The following HS2ST1 variants were observed in gnomAD, a reference collection of about 807,000 sequenced individuals.
HS2ST1 encodes heparan sulfate 2-O-sulfotransferase 1, also known as 2-O-sulfotransferase.
A neutral mutation model predicts 42.9 loss-of-function variants in HS2ST1; 18 were observed. That is an observed-to-expected ratio of 0.42 (90% CI 0.29 to 0.62). HS2ST1 has a LOEUF of 0.62. Among genes scored for constraint, HS2ST1 ranks in the 20% least tolerant of loss-of-function variants. The pLI is 0.21. For synonymous variants in HS2ST1, 146 were observed against 152.9 expected (o/e 0.95, Z 0.33); for missense variants, 334 against 433.8 (o/e 0.77, Z 2.04).
Position 86,914,997 on chromosome 1 carries a change from C to T in HS2ST1, c.-40C>T. On this transcript the variant is annotated 5_prime_UTR_variant, in exon 1 of 7. Transcript: ENST00000370550. ...CTCTCGCCTCCGGGGTCCCGCTCCC[C>T]GCCCCCCGCGGTATGTCTTGATCCC... The T allele has an allele frequency of 6.2e-7, 1 of 1,612,362 alleles. No homozygotes were observed. Among genetic ancestry groups the T allele is most frequent in the East Asian group, 2.2e-5 (1 of 44,802 alleles).
At chr1:87,096,087 G>A (rs1652060768) in intron 4 of HS2ST1, among the ~76,000 whole-genome samples, 1 of 150,800 alleles carries the variant, frequency 6.6e-6, no homozygotes, top group Non-Finnish European at 1.5e-5. Flanking sequence ...TCTTTTGGTT[G>A]AATTGAGGAA....
At chr1:87,017,160 G>A (rs114297347) in intron 1 of HS2ST1, among the ~76,000 whole-genome samples, 3,734 of 151,500 alleles carry the variant, frequency 0.025, 141 homozygotes, top group African/African-American at 0.085. Flanking sequence ...TTTTTGCGAC[G>A]GAATCTCACT....
rs541427196 is a variant in HS2ST1, at chr1:86,918,532, G to T, written c.124+3372G>T. On this transcript the variant is annotated intron_variant, in intron 1 of 6. Coordinates refer to ENST00000370550, the MANE Select transcript of HS2ST1 (RefSeq NM_012262.4). ...TTTTGAGTGTTTCTTTTCTTTCTTG[G>T]TATTATAAACAATTATAGGAAACAT... Among the ~76,000 whole-genome samples the T allele has an allele frequency of 7.4e-4, 112 of 151,582 alleles. 2 individuals carry two copies. In the Middle Eastern group the frequency reaches 0.027, roughly 37 times the overall value.
At chr1:87,047,892 A>T (rs1203612887) in intron 1 of HS2ST1, among the ~76,000 whole-genome samples, 1 of 152,062 alleles carries the variant, frequency 6.6e-6, no homozygotes, top group Non-Finnish European at 1.5e-5. Flanking sequence ...TAAATCCTTC[A>T]ATTTTCTTAT....
chr1:86,950,163 T>TA (rs1323210712), intron 1 of HS2ST1, among the ~76,000 whole-genome samples: 2 of 152,264 alleles, frequency 1.3e-5, no homozygotes, highest in Non-Finnish European at 2.9e-5. Flanking sequence ...AAACTGACGT[T>TA]ACGTATTCCT....
At chr1:87,004,967 T>G (rs1222738913) in intron 1 of HS2ST1, among the ~76,000 whole-genome samples, 1 of 152,246 alleles carries the variant, frequency 6.6e-6, no homozygotes, top group Non-Finnish European at 1.5e-5. Context: ...AATAATTAAT[T>G]GAACAAAAAG....
chr1:86,943,809 T>C (rs2102178285), intron 1 of HS2ST1, among the ~76,000 whole-genome samples: 1 of 152,218 alleles, frequency 6.6e-6, no homozygotes, highest in South Asian at 2.1e-4. Flanking sequence ...GTGGATTACC[T>C]GAGATCAGGA....
intron 1 of HS2ST1, among the ~76,000 whole-genome samples, chr1:87,039,275 C>G (rs1936282): frequency 0.74 from 111,966 of 152,166 alleles, 42,763 homozygotes; most frequent in East Asian, 0.97. Context: ...AAACCACCAG[C>G]CAATGCTACC....
At chr1:86,935,690 C>T (rs1660632539) in intron 1 of HS2ST1, among the ~76,000 whole-genome samples, 2 of 151,984 alleles carry the variant, frequency 1.3e-5, no homozygotes, top group East Asian at 3.9e-4. Context: ...TCTCAAACTC[C>T]TGGCCTCAAG....
At chr1:87,011,813 G>T (rs990606857) in intron 1 of HS2ST1, among the ~76,000 whole-genome samples, 2 of 152,158 alleles carry the variant, frequency 1.3e-5, no homozygotes, top group African/African-American at 4.8e-5. Flanking sequence ...ACAGATTTAG[G>T]TCTAAGATAT....
chr1:86,976,686 T>C (rs1648409516), intron 1 of HS2ST1, among the ~76,000 whole-genome samples: 1 of 53,546 alleles, frequency 1.9e-5, no homozygotes. Context: ...TGTAAATCCA[T>C]CTTTTCTTTA....
intron 1 of HS2ST1, among the ~76,000 whole-genome samples, chr1:87,057,806 A>C (rs1013752611): frequency 6.6e-6 from 1 of 151,534 alleles, no homozygotes. Context: ...AGCTGAGATC[A>C]TGCCACTGCA....
intron 1 of HS2ST1, among the ~76,000 whole-genome samples, chr1:87,013,219 G>A (rs72953494): frequency 0.034 from 5,245 of 152,256 alleles, 184 homozygotes; most frequent in African/African-American, 0.088. Context: ...CTCTATGAGG[G>A]CCCCACGACT....
rs1383823389 is a variant in HS2ST1, at chr1:87,104,759, A to G, written c.*63A>G. 3 of 986,702 alleles carry G rather than the reference A, an allele frequency of 3.0e-6. No individual in the cohort carries two copies. In the East Asian group the frequency reaches 7.4e-5, roughly 24 times the overall value. The allele number at this position is 986,702 out of a possible 1,614,324, so 61.1% of individuals were successfully genotyped here. ...TGACCCTGTCTTCACCTTTGTTCTC[A>G]GCTCCACAGTCTGGATTGCTGACAG... On this transcript the variant is annotated 3_prime_UTR_variant, in exon 7 of 7. Coordinates refer to ENST00000370550, the MANE Select transcript of HS2ST1 (RefSeq NM_012262.4).
chr1:86,936,961 C>T (rs1317302353), intron 1 of HS2ST1, among the ~76,000 whole-genome samples: 7 of 149,268 alleles, frequency 4.7e-5, no homozygotes, highest in East Asian at 2.0e-4. Flanking sequence ...AAAAATTAGC[C>T]GGGCATGGTG....
chr1:87,098,349 C>A (rs1448994478), intron 5 of HS2ST1: 5 of 984,176 alleles, frequency 5.1e-6, no homozygotes, highest in Non-Finnish European at 6.0e-6. Flanking sequence ...CTGATTTTGA[C>A]TTTAAGAGAA....
At chr1:86,974,683 T>A (rs1648341419) in intron 1 of HS2ST1, among the ~76,000 whole-genome samples, 1 of 152,108 alleles carries the variant, frequency 6.6e-6, no homozygotes, top group South Asian at 2.1e-4. Flanking sequence ...TTGGGTTAAA[T>A]TGTAGGACAG....
intron 1 of HS2ST1, among the ~76,000 whole-genome samples, chr1:86,923,777 T>A (rs1015335249): frequency 1.3e-5 from 2 of 152,194 alleles, no homozygotes; most frequent in African/African-American, 2.4e-5. Context: ...CTTGCCCCCA[T>A]GATTCAGTTA....
At chr1:87,034,019 G>A (rs929934759) in intron 1 of HS2ST1, among the ~76,000 whole-genome samples, 1 of 152,092 alleles carries the variant, frequency 6.6e-6, no homozygotes, top group Non-Finnish European at 1.5e-5. Flanking sequence ...CTAACATATT[G>A]TCTAATGAGT....
Sources: gnomAD v4.1 joint callset for allele counts (sites outside exome capture counted in the v4.1 genomes callset) on GRCh38, gnomAD v4.1.1 for gene constraint, MANE v1.5 for transcripts, NCBI Gene and HGNC (gene_info 2026-07-23, HGNC 2026-07-21) for gene names.